The following CSMD1 variants were observed in gnomAD, a reference collection of about 807,000 sequenced individuals.
The protein encoded by CSMD1 is CUB and sushi domain-containing protein 1.
A neutral mutation model predicts 417.5 loss-of-function variants in CSMD1; 213 were observed. The observed-to-expected ratio is 0.51, with a 90% CI of 0.46 to 0.57. The LOEUF is 0.57. Ranked by LOEUF, CSMD1 falls within the 20% of genes least tolerant of loss-of-function variation. The probability of loss-of-function intolerance (pLI) is 0.00; values close to 1 mark genes in which losing one functional copy is unlikely to be tolerated. For synonymous variants in CSMD1, 2,862 were observed against 1,736.8 expected (o/e 1.65, Z -16.11); for missense variants, 6,923 against 4,529.7 (o/e 1.53, Z -15.17).
chr8:4,383,081 T>G (rs976302187), intron 3 of CSMD1, among the ~76,000 whole-genome samples: 5 of 152,182 alleles, frequency 3.3e-5, no homozygotes, highest in African/African-American at 1.2e-4. Flanking sequence ...GCTCCATGAT[T>G]AAGCAATGCT....
chr8:3,200,885 A>G (rs1016943501), intron 32 of CSMD1, among the ~76,000 whole-genome samples: 5 of 152,176 alleles, frequency 3.3e-5, no homozygotes, highest in Non-Finnish European at 7.4e-5. Flanking sequence ...TACTAGGCAA[A>G]TTAGTAAATG....
At chr8:4,474,528 G>C (rs1416620657) in intron 2 of CSMD1, among the ~76,000 whole-genome samples, 6 of 152,200 alleles carry the variant, frequency 3.9e-5, no homozygotes, top group Non-Finnish European at 8.8e-5. Flanking sequence ...CAAACTTTGA[G>C]CAGATGTCAT....
At chr8:3,131,119 T>C (rs2129026467) in intron 41 of CSMD1, among the ~76,000 whole-genome samples, 1 of 152,256 alleles carries the variant, frequency 6.6e-6, no homozygotes, top group Non-Finnish European at 1.5e-5. Flanking sequence ...TACATAAGAT[T>C]ACAAAGGAAA....
chr8:3,753,101 T>G (rs146641260), intron 6 of CSMD1, among the ~76,000 whole-genome samples: 2 of 152,296 alleles, frequency 1.3e-5, no homozygotes, highest in African/African-American at 4.8e-5. Context: ...CAGGGCTTGG[T>G]GTCCTCTCTG....
chr8:4,311,238 C>T (rs774116582), intron 3 of CSMD1, among the ~76,000 whole-genome samples: 8 of 152,052 alleles, frequency 5.3e-5, no homozygotes, highest in East Asian at 1.9e-4. Context: ...AGCAAAGGCA[C>T]GGAATCAACC....
intron 2 of CSMD1, among the ~76,000 whole-genome samples, chr8:4,445,136 T>C (rs913325467): frequency 2.0e-5 from 3 of 152,230 alleles, no homozygotes; most frequent in East Asian, 1.9e-4. Context: ...GATACAGTGC[T>C]GTTTTAAGAT....
At chr8:4,026,855 C>G (rs1040250980) in intron 4 of CSMD1, among the ~76,000 whole-genome samples, 1 of 152,116 alleles carries the variant, frequency 6.6e-6, no homozygotes, top group African/African-American at 2.4e-5. Context: ...GTGTAAAAAC[C>G]TGAGCAAAAG....
intron 18 of CSMD1, 29 bp from the exon 19 acceptor site, chr8:3,369,399 G>A: frequency 2.0e-6 from 2 of 1,018,758 alleles, no homozygotes; most frequent in South Asian, 1.4e-5. Flanking sequence ...GATGATTACA[G>A]CACTAAAGTT....
chr8:3,798,385 G>C (rs1054623749), intron 5 of CSMD1, among the ~76,000 whole-genome samples: 1 of 151,814 alleles, frequency 6.6e-6, no homozygotes, highest in South Asian at 2.1e-4. Flanking sequence ...TTTTTAATTG[G>C]GTCTCTTATA....
intron 40 of CSMD1, among the ~76,000 whole-genome samples, chr8:3,151,052 C>T (rs1216458304): frequency 1.3e-5 from 2 of 151,998 alleles, no homozygotes; most frequent in African/African-American, 4.8e-5. Context: ...CCAGAAGAAA[C>T]AATAACCATT....
intron 1 of CSMD1, among the ~76,000 whole-genome samples, chr8:4,863,350 T>C (rs1306278052): frequency 3.3e-5 from 5 of 152,146 alleles, no homozygotes; most frequent in Admixed American, 3.3e-4. Flanking sequence ...ATCATAGAAG[T>C]CCTTGGCCAA....
intron 54 of CSMD1, among the ~76,000 whole-genome samples, chr8:2,983,213 G>A (rs138761113): frequency 6.6e-6 from 1 of 151,744 alleles, no homozygotes; most frequent in Non-Finnish European, 1.5e-5. Flanking sequence ...TTGAGATGGA[G>A]TCTTGCTCTG....
intron 6 of CSMD1, 89 bp from the exon 7 acceptor site, chr8:3,708,580 G>T (rs1403127739): frequency 1.8e-6 from 2 of 1,103,090 alleles, no homozygotes; most frequent in Admixed American, 1.8e-5. Context: ...AGTCATAACT[G>T]CTTTCTATCA....
At chr8:4,756,845 C>T (rs899509861) in intron 1 of CSMD1, among the ~76,000 whole-genome samples, 1 of 152,166 alleles carries the variant, frequency 6.6e-6, no homozygotes, top group Non-Finnish European at 1.5e-5. Context: ...AACACAGTGA[C>T]TGAAAAAGGG....
At chr8:4,038,839 A>G (rs1797746478) in intron 3 of CSMD1, among the ~76,000 whole-genome samples, 1 of 152,172 alleles carries the variant, frequency 6.6e-6, no homozygotes, top group South Asian at 2.1e-4. Context: ...CATGAAGCCA[A>G]ATTTGTACAT....
intron 2 of CSMD1, among the ~76,000 whole-genome samples, chr8:4,598,874 A>C (rs1050239821): frequency 1.3e-5 from 2 of 152,342 alleles, no homozygotes; most frequent in South Asian, 2.1e-4. Context: ...CTTTTGTAGA[A>C]GAAAAAAAGA....
At chr8:3,686,767 C>G (rs1439192036) in intron 7 of CSMD1, among the ~76,000 whole-genome samples, 1 of 152,222 alleles carries the variant, frequency 6.6e-6, no homozygotes, top group African/African-American at 2.4e-5. Flanking sequence ...GCCAGTCTAT[C>G]AGTGGCTGGT....
chr8:4,884,053 A>G (rs1012847381), intron 1 of CSMD1, among the ~76,000 whole-genome samples: 3 of 151,910 alleles, frequency 2.0e-5, no homozygotes, highest in Non-Finnish European at 1.5e-5. Context: ...GTGTCTCACT[A>G]TGGTTGGATT....
At chr8:3,467,593 C>T (rs75279863) in intron 12 of CSMD1, among the ~76,000 whole-genome samples, 7,532 of 152,276 alleles carry the variant, frequency 0.049, 249 homozygotes, top group Middle Eastern at 0.075. Flanking sequence ...CAACACACCC[C>T]GTGTGTCAGC....
Sources: allele counts gnomAD v4.1 joint callset (sites outside exome capture counted in the v4.1 genomes callset), GRCh38; gene constraint gnomAD v4.1.1; transcripts MANE v1.5; gene names NCBI Gene and HGNC (gene_info 2026-07-23, HGNC 2026-07-21).